The following P2RX1 variants were observed in gnomAD, a reference collection of about 807,000 sequenced individuals.
The protein encoded by P2RX1 is P2X purinoceptor 1.
Under a neutral mutation model 50.3 loss-of-function variants are expected in P2RX1, and 42 were observed. The ratio of observed to expected loss-of-function variants is 0.83; its 90% CI spans 0.65 to 1.08. The LOEUF is 1.08. Ranked by LOEUF, P2RX1 falls within the 50% of genes least tolerant of loss-of-function variation. The pLI is 0.00. For synonymous variants in P2RX1, 199 were observed against 202.6 expected (o/e 0.98, Z 0.15); for missense variants, 449 against 529.0 (o/e 0.85, Z 1.48).
At position 3,916,073 on chromosome 17, in the gene P2RX1, A is replaced by T. The variant is rs1321152398; in HGVS notation, c.137+16T>A. On this transcript the variant is annotated intron_variant, in intron 1 of 11. Transcript: ENST00000225538. Reference sequence around the variant, plus strand: ...GGTAGGGGCTGGTGCAGGCAGCGGGAGGCGCCCGGACTCACCCGATGACGT... The same window carrying T: ...GGTAGGGGCTGGTGCAGGCAGCGGGTGGCGCCCGGACTCACCCGATGACGT... 1 of 1,612,972 alleles carries T rather than the reference A, an allele frequency of 6.2e-7. No individual in the cohort carries two copies. Among genetic ancestry groups the T allele is most frequent in the East Asian group, 2.2e-5 (1 of 44,864 alleles).
chr17:3,899,166 A>G (rs2056088008), intron 8 of P2RX1, 142 bp from the exon 9 acceptor site: 7 of 591,542 alleles, frequency 1.2e-5, no homozygotes, highest in Middle Eastern at 7.8e-4. Context: ...CCCAGGCCTC[A>G]TTCTGGGAAA....
chr17:3,909,193 G>A (rs535137366), intron 1 of P2RX1, among the ~76,000 whole-genome samples: 1 of 152,074 alleles, frequency 6.6e-6, no homozygotes, highest in Non-Finnish European at 1.5e-5. Flanking sequence ...ACCACGCCCG[G>A]CTAATTTTTT....
chr17:3,909,438 T>C (rs2056325311), intron 1 of P2RX1, among the ~76,000 whole-genome samples: 1 of 152,156 alleles, frequency 6.6e-6, no homozygotes, highest in East Asian at 1.9e-4. Context: ...AATTCCTCTT[T>C]CAATGTTGAT....
At chr17:3,899,165 C>A in intron 8 of P2RX1, 141 bp from the exon 9 acceptor site, 1 of 599,428 alleles carries the variant, frequency 1.7e-6, no homozygotes, top group Non-Finnish European at 3.0e-6. Flanking sequence ...TCCCAGGCCT[C>A]ATTCTGGGAA....
At chr17:3,904,975 G>T (rs1202002415) in intron 2 of P2RX1, 46 bp from the exon 3 acceptor site, 2 of 1,285,806 alleles carry the variant, frequency 1.6e-6, no homozygotes, top group Non-Finnish European at 1.1e-6. Context: ...TGGGAGCTGG[G>T]AGAAGAGCCC....
chr17:3,914,472 G>A lies in P2RX1; in HGVS notation c.137+1617C>T, dbSNP rs1221194282. 6.6e-6 allele frequency among the ~76,000 whole-genome samples: 1 copy of A among 152,170 alleles called. No individual in the cohort carries two copies. The highest frequency in any genetic ancestry group is 1.9e-4 in the East Asian group (1 of 5,196). On this transcript the variant is annotated intron_variant, in intron 1 of 11. Transcript: ENST00000225538. The surrounding 1 kb of genome is among the most constrained non-coding windows in gnomAD (Gnocchi z 4.1). ...GCTGACAGCCTGTGACACACACAGA[G>A]GAGGGACCTGGTGCCCCTCACACCT...
At chr17:3,910,949 C>A (rs1479445402) in intron 1 of P2RX1, among the ~76,000 whole-genome samples, 1 of 152,134 alleles carries the variant, frequency 6.6e-6, no homozygotes, top group Admixed American at 6.6e-5. Context: ...AATCTCAGGC[C>A]AACCATTTGT....
intron 2 of P2RX1, 106 bp from the exon 3 acceptor site, chr17:3,905,035 C>T (rs996234745): frequency 8.0e-6 from 9 of 1,130,014 alleles, no homozygotes; most frequent in South Asian, 4.1e-5. Context: ...CCACAGGACA[C>T]GCAGCAGCCA....
At chr17:3,904,691 C>T in intron 3 of P2RX1, 167 bp downstream of exon 3, 1 of 658,906 alleles carries the variant, frequency 1.5e-6, no homozygotes, top group East Asian at 2.7e-5. Flanking sequence ...AGGCTCAGCT[C>T]TGCAAGGGTT....
Position 3,916,167 on chromosome 17 carries a change from C to T in P2RX1, c.59G>A (p.Arg20His), listed in dbSNP as rs377348733. 10 of 1,613,318 alleles carry T rather than the reference C, an allele frequency of 6.2e-6. No individual in the cohort carries two copies. The highest frequency in any genetic ancestry group is 1.3e-5 in the African/African-American group (1 of 74,924). The change falls in exon 1 of 12, where the codon CGC becomes CAC. Residue 20 changes from arginine (R) to histidine (H), a missense_variant. Arg to His is a conservative substitution (Grantham distance 29). Transcript: ENST00000225538. ...AAFLFEYDTP[R>H]MVLVRNKKVG... is the part of the protein sequence containing the mutation. ...CTTCTTATTACGCACCAGCACCATG[C>T]GGGGGGTGTCATACTCGAAGAGGAA...
intron 1 of P2RX1, chr17:3,915,759 G>C (rs537398278): frequency 2.0e-6 from 1 of 502,228 alleles, no homozygotes; most frequent in South Asian, 1.5e-5. Context: ...GTCAGAGGTC[G>C]AGGACTCAGT....
rs955182814 is a variant in P2RX1 at position 3,903,499 on chromosome 17, C to T, written c.605+52G>A. On this transcript the variant is annotated intron_variant, in intron 6 of 11. Transcript: ENST00000225538. This position sits in a 1 kb window ranked among gnomAD's most constrained non-coding sequence, Gnocchi z 4.6. ...GGGAGACAGAGACAGCTGAGAGCTG[C>T]CGGAGCGGCCCCGGCCAGCTGCCTG... The T allele has an allele frequency of 1.3e-5, 20 of 1,596,370 alleles. No homozygotes were observed. Among genetic ancestry groups the T allele is most frequent in the South Asian group, 6.6e-5 (6 of 90,674 alleles).
At chr17:3,897,937 C>T in intron 11 of P2RX1, 58 bp from the exon 12 acceptor site, 1 of 1,608,486 alleles carries the variant, frequency 6.2e-7, no homozygotes, top group South Asian at 1.1e-5. Context: ...AGCAGCTGCC[C>T]ACGCCCCCCA....
In P2RX1 at chr17:3,914,352, C is replaced by T. The variant is rs2056414031; in HGVS notation, c.137+1737G>A. 6.6e-6 allele frequency among the ~76,000 whole-genome samples: 1 copy of T among 151,652 alleles called. No homozygotes were observed. On this transcript the variant is annotated intron_variant, in intron 1 of 11. Transcript: ENST00000225538. The surrounding 1 kb of genome is among the most constrained non-coding windows in gnomAD (Gnocchi z 4.1). ...TTGGGAGGGAAGACAGGCAGGAGGA[C>T]GGTAGTGAGGTCCCCGTCACTGGAG...
intron 1 of P2RX1, among the ~76,000 whole-genome samples, chr17:3,908,494 G>A (rs1567656065): frequency 2.0e-5 from 3 of 152,126 alleles, no homozygotes; most frequent in African/African-American, 7.2e-5. Context: ...CCTCAGAGGC[G>A]GAGGTTGCAG....
chr17:3,909,291 A>G (rs929121689), intron 1 of P2RX1, among the ~76,000 whole-genome samples: 7 of 152,056 alleles, frequency 4.6e-5, no homozygotes, highest in Non-Finnish European at 7.4e-5. Flanking sequence ...CGGCCTCCCA[A>G]GGTGCTGGGA....
At position 3,903,302 on chromosome 17, in the gene P2RX1, G is replaced by C. The variant is rs377207696; in HGVS notation, c.647C>G (p.Thr216Ser). 27 of 1,614,060 alleles carry C rather than the reference G, an allele frequency of 1.7e-5. No individual in the cohort carries two copies. The highest frequency in any genetic ancestry group is 2.7e-5 in the African/African-American group (2 of 74,926). ...VEEVNAAHMK[T>S]CLFHKTLHPL... is the part of the protein sequence containing the mutation. ...GTGCAGGGTCTTGTGAAAGAGGCAG[G>C]TCTTCATGTGGGCAGCATTCACCTC... The change falls in exon 7 of 12, where the codon ACC becomes AGC. Residue 216 changes from threonine (T) to serine (S), a missense_variant. Physicochemically the swap from Thr to Ser is moderately conservative, Grantham distance 58. Coordinates refer to ENST00000225538, the MANE Select transcript of P2RX1 (RefSeq NM_002558.4). The surrounding 1 kb of genome is among the most constrained non-coding windows in gnomAD (Gnocchi z 4.6).
Position 3,916,267 on chromosome 17 carries a change from C to T in P2RX1, c.-42G>A, listed in dbSNP as rs1452037499. The T allele has an allele frequency of 5.0e-6, 8 of 1,603,294 alleles. No individual in the cohort carries two copies. Among genetic ancestry groups the T allele is most frequent in the Non-Finnish European group, 6.0e-6 (7 of 1,174,390 alleles). On this transcript the variant is annotated 5_prime_UTR_variant, in exon 1 of 12. Transcript: ENST00000225538. ...CTCAGAACTGAGCCCCCTGCACGGCCTCTGCTCTCAGGGTGAGCCGGGTGC... is the reference window on the plus strand; with the variant it reads ...CTCAGAACTGAGCCCCCTGCACGGCTTCTGCTCTCAGGGTGAGCCGGGTGC...
chr17:3,909,541 A>T (rs557539251), intron 1 of P2RX1, among the ~76,000 whole-genome samples: 23 of 152,082 alleles, frequency 1.5e-4, no homozygotes, highest in Non-Finnish European at 2.4e-4. Context: ...TCAATTCCAC[A>T]CATTCAATCA....
Sources: allele counts gnomAD v4.1 joint callset (sites outside exome capture counted in the v4.1 genomes callset), GRCh38; gene constraint gnomAD v4.1.1; non-coding constraint Gnocchi (gnomAD v3.1); transcripts MANE v1.5; gene names NCBI Gene and HGNC (gene_info 2026-07-23, HGNC 2026-07-21).